Variants in PTPN22 observed in about 807,000 individuals in gnomAD.
PTPN22 encodes tyrosine-protein phosphatase non-receptor type 22.
In PTPN22, 85 loss-of-function variants were observed where a neutral mutation model predicts 103.3. That is an observed-to-expected ratio of 0.82 (90% CI 0.69 to 0.99). PTPN22 has a LOEUF of 0.99. PTPN22 is among the 50% of genes least tolerant of loss of function. The pLI is 0.00. For synonymous variants in PTPN22, 323 were observed against 310.2 expected (o/e 1.04, Z -0.43); for missense variants, 865 against 936.9 (o/e 0.92, Z 1.00).
chr1:113,821,553 A>G (rs1571338167), intron 19 of PTPN22, among the ~76,000 whole-genome samples: 2 of 152,040 alleles, frequency 1.3e-5, no homozygotes, highest in East Asian at 3.9e-4. Context: ...CAAACTCCTG[A>G]CCTCGTGATC....
chr1:113,829,597 T>G (rs760826669), exon 18 of PTPN22: 2 of 1,580,116 alleles, frequency 1.3e-6, no homozygotes, highest in South Asian at 2.2e-5. Context: ...TTTACCTTAC[T>G]CCTTGTGAAA....
Position 113,826,205 on chromosome 1 carries a change from C to A in PTPN22, c.2251-1033G>T, listed in dbSNP as rs1052612888. Among the ~76,000 whole-genome samples, 9 of 152,086 alleles carry A rather than the reference C, an allele frequency of 5.9e-5. No individual in the cohort carries two copies. The East Asian group carries it at 1.7e-3, about 29-fold the overall frequency. On this transcript the variant is annotated intron_variant, in intron 18 of 20. Coordinates refer to ENST00000359785, the Ensembl canonical transcript of PTPN22. ...CTACCAAAAATTTTAAAAAGCCAGG[C>A]ATGGTGGTGCAGACCTGTGTTCCCA...
chr1:113,835,723 C>A (rs977803492), intron 13 of PTPN22, among the ~76,000 whole-genome samples: 1 of 152,010 alleles, frequency 6.6e-6, no homozygotes, highest in Non-Finnish European at 1.5e-5. Context: ...TAGGTAAAAT[C>A]ATAAAGATTT....
chr1:113,839,724 T>C (rs1204403284), intron 11 of PTPN22, among the ~76,000 whole-genome samples: 15 of 152,164 alleles, frequency 9.9e-5, no homozygotes, highest in Non-Finnish European at 4.4e-5. Context: ...GTTCTCAACA[T>C]GATAGAGGCC....
At chr1:113,841,220 A>G (rs1278966921) in intron 11 of PTPN22, among the ~76,000 whole-genome samples, 1 of 151,988 alleles carries the variant, frequency 6.6e-6, no homozygotes, top group African/African-American at 2.4e-5. Context: ...ACGAAACTCC[A>G]TCTCAAAGGA....
At chr1:113,852,617 G>A (rs967893400) in intron 9 of PTPN22, among the ~76,000 whole-genome samples, 2 of 152,188 alleles carry the variant, frequency 1.3e-5, no homozygotes, top group African/African-American at 4.8e-5. Flanking sequence ...ACAATCACCT[G>A]GACAGCTTGC....
exon 21 of PTPN22, chr1:113,814,774 G>T: frequency 2.7e-6 from 2 of 747,022 alleles, no homozygotes; most frequent in South Asian, 1.7e-5. Flanking sequence ...TCTTTTAAAA[G>T]CTATTAACAC....
rs560563217 is a variant in PTPN22, at chr1:113,868,893, TA to T, written c.87+2643del. 1.3e-4 allele frequency among the ~76,000 whole-genome samples: 20 copies of T among 150,974 alleles called. No homozygotes were observed. In the South Asian group the frequency reaches 1.7e-3, roughly 13 times the overall value. On this transcript the variant is annotated intron_variant, in intron 1 of 20. Transcript: ENST00000359785. ...ATTATATTGCACAATATTAAGCAGC[TA>T]AAAAAAACTATAACAAGTTTTTAAG...
intron 11 of PTPN22, among the ~76,000 whole-genome samples, chr1:113,841,622 G>A (rs115911156): frequency 0.029 from 4,375 of 150,276 alleles, 213 homozygotes; most frequent in African/African-American, 0.1. Context: ...TGGTGGAGGG[G>A]GACAGAGTCT....
exon 13 of PTPN22, chr1:113,838,232 T>C: frequency 6.2e-7 from 1 of 1,614,126 alleles, no homozygotes. Context: ...GTGTCAGCAT[T>C]TTTGTCAAAA....
chr1:113,859,034 C>T, exon 3 of PTPN22: 1 of 1,613,912 alleles, frequency 6.2e-7, no homozygotes, highest in Non-Finnish European at 8.5e-7. Flanking sequence ...TAGCTGGAAT[C>T]CTCATCAGAG....
intron 11 of PTPN22, among the ~76,000 whole-genome samples, chr1:113,846,392 C>A (rs1421418669): frequency 6.6e-6 from 1 of 152,062 alleles, no homozygotes; most frequent in Non-Finnish European, 1.5e-5. Context: ...AGTGTGGAAG[C>A]CTTACCTTCC....
chr1:113,824,326 T>A (rs765069566), intron 19 of PTPN22, among the ~76,000 whole-genome samples: 4 of 152,056 alleles, frequency 2.6e-5, no homozygotes, highest in Non-Finnish European at 5.9e-5. Context: ...GGTCTCAAAC[T>A]GCTGACCTTG....
chr1:113,853,619 G>A (rs1202222265), intron 9 of PTPN22, among the ~76,000 whole-genome samples: 1 of 151,584 alleles, frequency 6.6e-6, no homozygotes, highest in Non-Finnish European at 1.5e-5. Flanking sequence ...CAAAGTGCTG[G>A]GATTACCGTG....
chr1:113,866,967 G>C (rs149106035), intron 1 of PTPN22, among the ~76,000 whole-genome samples: 1 of 152,146 alleles, frequency 6.6e-6, no homozygotes, highest in Non-Finnish European at 1.5e-5. Flanking sequence ...GGCTTGTCTT[G>C]AACTCCTGGA....
rs373854394 is a variant in PTPN22 at position 113,856,534 on chromosome 1, G to A, written c.480+14C>T. 12 of 1,614,052 alleles carry A rather than the reference G, an allele frequency of 7.4e-6. No individual in the cohort carries two copies. The African/African-American group carries it at 1.2e-4, about 16-fold the overall frequency. ...GAGGCTTTACTCAGACATGAGAACA[G>A]ACATTACACTTACACAGGATACAGA... On this transcript the variant is annotated intron_variant, in intron 6 of 20. Transcript: ENST00000359785.
chr1:113,859,213 C>G, intron 2 of PTPN22, 135 bp from the exon 3 acceptor site: 1 of 1,545,518 alleles, frequency 6.5e-7, no homozygotes, highest in Non-Finnish European at 8.7e-7. Flanking sequence ...AATGAATATT[C>G]TTTTGCAGTC....
intron 9 of PTPN22, among the ~76,000 whole-genome samples, chr1:113,852,461 T>C (rs1319638779): frequency 6.6e-6 from 1 of 152,194 alleles, no homozygotes; most frequent in African/African-American, 2.4e-5. Context: ...AACTTCCCAT[T>C]TCCTATTAGA....
chr1:113,822,895 G>A (rs1424766212), intron 19 of PTPN22, among the ~76,000 whole-genome samples: 1 of 152,142 alleles, frequency 6.6e-6, no homozygotes, highest in East Asian at 1.9e-4. Context: ...GGAGGGGGAG[G>A]TTGCAGTGAG....
Sources: gnomAD v4.1 joint callset for allele counts (sites outside exome capture counted in the v4.1 genomes callset) on GRCh38, gnomAD v4.1.1 for gene constraint, MANE v1.5 for transcripts, NCBI Gene and HGNC (gene_info 2026-07-23, HGNC 2026-07-21) for gene names.